The following PTPRK variants were observed in gnomAD, a reference collection of about 807,000 sequenced individuals.
PTPRK encodes receptor-type tyrosine-protein phosphatase kappa.
PTPRK carries 75 observed loss-of-function variants against 178.0 expected under a neutral mutation model. The observed-to-expected ratio is 0.42, with a 90% CI of 0.35 to 0.51. The LOEUF is 0.51. Among genes scored for constraint, PTPRK ranks in the 20% least tolerant of loss-of-function variants. The pLI is 0.02. For synonymous variants in PTPRK, 637 were observed against 620.6 expected, an observed-to-expected ratio of 1.03 and a Z score of -0.39; for missense variants, 1,441 against 1,797.8, an observed-to-expected ratio of 0.80 and a Z score of 3.59.
At chr6:128,439,987 A>G (rs1846078316) in intron 1 of PTPRK, among the ~76,000 whole-genome samples, 2 of 152,210 alleles carry the variant, frequency 1.3e-5, no homozygotes, top group African/African-American at 4.8e-5. Flanking sequence ...TGAACAACAG[A>G]GCTGGAACTG....
At chr6:128,371,560 G>A (rs952774046) in intron 2 of PTPRK, among the ~76,000 whole-genome samples, 2 of 152,162 alleles carry the variant, frequency 1.3e-5, no homozygotes, top group African/African-American at 2.4e-5. Flanking sequence ...TATTTCAACA[G>A]TAGTTCATAC....
chr6:128,158,807 T>C (rs1447243311), intron 7 of PTPRK, among the ~76,000 whole-genome samples: 3 of 151,942 alleles, frequency 2.0e-5, no homozygotes, highest in Non-Finnish European at 2.9e-5. Context: ...TTAATAGTTA[T>C]AGCTTTTTAA....
At chr6:127,978,515 A>G (rs1429884906) in intron 25 of PTPRK, among the ~76,000 whole-genome samples, 1 of 152,140 alleles carries the variant, frequency 6.6e-6, no homozygotes, top group African/African-American at 2.4e-5. Flanking sequence ...TGGAACTGTG[A>G]GTCAATTAAA....
rs376427299 is a variant in PTPRK, at chr6:127,977,090, A to C, written c.3712-36T>G. Reference sequence around the variant, plus strand: ...ACAAGGTAGATGGAGAAATATAAAAACTTAAAATGTATGATCGGTTGTACA... The same window carrying C: ...ACAAGGTAGATGGAGAAATATAAAACCTTAAAATGTATGATCGGTTGTACA... On this transcript the variant is annotated intron_variant, in intron 25 of 29. Transcript: ENST00000368226. 3.3e-4 allele frequency: 525 copies of C among 1,603,790 alleles called. 1 individual carries two copies. The highest frequency in any genetic ancestry group is 5.0e-4 in the Middle Eastern group (3 of 6,040).
chr6:128,069,442 A>G (rs1412510763), intron 11 of PTPRK, among the ~76,000 whole-genome samples: 2 of 152,160 alleles, frequency 1.3e-5, no homozygotes, highest in Non-Finnish European at 2.9e-5. Context: ...TGTCAATTTT[A>G]AGATATAGAA....
At chr6:128,351,440 A>G (rs959239709) in intron 2 of PTPRK, among the ~76,000 whole-genome samples, 6 of 152,212 alleles carry the variant, frequency 3.9e-5, no homozygotes, top group African/African-American at 1.4e-4. Flanking sequence ...AGTTTGTTAA[A>G]GAACTTCAGC....
intron 22 of PTPRK, 55 bp from the exon 23 acceptor site, chr6:127,983,432 T>C: frequency 6.4e-7 from 1 of 1,571,998 alleles, no homozygotes; most frequent in Non-Finnish European, 8.7e-7. Flanking sequence ...CTTCATAACC[T>C]TAAATAAGGA....
At chr6:128,159,636 T>C (rs1231552866) in intron 7 of PTPRK, among the ~76,000 whole-genome samples, 1 of 151,760 alleles carries the variant, frequency 6.6e-6, no homozygotes, top group African/African-American at 2.4e-5. Flanking sequence ...AAGCAAAGTC[T>C]TCACACTTTC....
chr6:128,423,972 G>A, intron 1 of PTPRK, among the ~76,000 whole-genome samples: 1 of 151,680 alleles, frequency 6.6e-6, no homozygotes, highest in Non-Finnish European at 1.5e-5. Context: ...TGTAATCCCA[G>A]CACTTTGGGA....
At chr6:128,453,959 T>A (rs879676113) in intron 1 of PTPRK, among the ~76,000 whole-genome samples, 4 of 152,154 alleles carry the variant, frequency 2.6e-5, no homozygotes, top group Admixed American at 6.6e-5. Context: ...TAGAAGTTAA[T>A]TCCAGACACT....
intron 6 of PTPRK, among the ~76,000 whole-genome samples, chr6:128,213,370 G>C (rs995099672): frequency 6.6e-6 from 1 of 151,982 alleles, no homozygotes. Context: ...CTCCAAATTT[G>C]ACACATTTGG....
At chr6:128,445,662 A>G (rs555162372) in intron 1 of PTPRK, among the ~76,000 whole-genome samples, 4 of 152,228 alleles carry the variant, frequency 2.6e-5, no homozygotes, top group East Asian at 1.9e-4. Flanking sequence ...TGGCAATTAT[A>G]TATTTGATTT....
At chr6:128,094,189 G>A (rs892963170) in intron 7 of PTPRK, among the ~76,000 whole-genome samples, 4 of 152,134 alleles carry the variant, frequency 2.6e-5, no homozygotes. Flanking sequence ...TAGATGTCAT[G>A]GTAAGAGGCT....
chr6:128,024,348 T>C (rs763198691), intron 13 of PTPRK, among the ~76,000 whole-genome samples: 4 of 152,218 alleles, frequency 2.6e-5, no homozygotes, highest in Non-Finnish European at 4.4e-5. Context: ...TATGTTGCTA[T>C]GGCATCAACA....
At chr6:128,097,085 C>T (rs1415070617) in intron 7 of PTPRK, among the ~76,000 whole-genome samples, 1 of 152,082 alleles carries the variant, frequency 6.6e-6, no homozygotes, top group Non-Finnish European at 1.5e-5. Context: ...ATCTCTGCTC[C>T]CATGGGTCAA....
intron 2 of PTPRK, among the ~76,000 whole-genome samples, chr6:128,376,373 G>C (rs945505669): frequency 6.6e-6 from 1 of 152,142 alleles, no homozygotes; most frequent in African/African-American, 2.4e-5. Flanking sequence ...TTTCCACCCT[G>C]TAAGGCAACA....
intron 2 of PTPRK, among the ~76,000 whole-genome samples, chr6:128,378,769 C>A (rs1390779608): frequency 6.6e-6 from 1 of 151,990 alleles, no homozygotes; most frequent in Non-Finnish European, 1.5e-5. Context: ...TTTTACAGAG[C>A]AGAATTTTGT....
chr6:128,110,490 G>A (rs1432871118), intron 7 of PTPRK, among the ~76,000 whole-genome samples: 2 of 151,910 alleles, frequency 1.3e-5, no homozygotes, highest in African/African-American at 2.4e-5. Context: ...TCAGCTTCAG[G>A]GCAAAAGGCT....
At chr6:127,994,147 A>C (rs1776892585) in intron 18 of PTPRK, among the ~76,000 whole-genome samples, 1 of 151,804 alleles carries the variant, frequency 6.6e-6, no homozygotes, top group African/African-American at 2.4e-5. Context: ...ATGCTTTATA[A>C]AATATATTAG....
Sources: allele counts gnomAD v4.1 joint callset (sites outside exome capture counted in the v4.1 genomes callset), GRCh38; gene constraint gnomAD v4.1.1; transcripts MANE v1.5; gene names NCBI Gene and HGNC (gene_info 2026-07-23, HGNC 2026-07-21).